Variants in IL12RB2 observed in about 807,000 individuals in gnomAD.
IL12RB2 encodes interleukin 12 receptor subunit beta 2, also known as interleukin-12 receptor subunit beta-2.
IL12RB2 carries 82 observed loss-of-function variants against 89.4 expected under a neutral mutation model. That is an observed-to-expected ratio of 0.92 (90% CI 0.77 to 1.10). IL12RB2 has a LOEUF of 1.10. Among genes scored for constraint, IL12RB2 ranks in the 50% least tolerant of loss-of-function variants. IL12RB2 has a pLI of 0.00. For missense variants in IL12RB2, 963 were observed against 1,031.9 expected, an observed-to-expected ratio of 0.93 and a Z score of 0.92; for synonymous variants, 368 against 370.1, an observed-to-expected ratio of 0.99 and a Z score of 0.07.
intron 1 of IL12RB2, among the ~76,000 whole-genome samples, chr1:67,310,944 C>T (rs1009229348): frequency 3.3e-5 from 5 of 152,044 alleles, no homozygotes; most frequent in East Asian, 3.9e-4. Context: ...AGGATGGTCT[C>T]GATCTCTTGA....
At chr1:67,315,279 T>C (rs1009664083) in intron 2 of IL12RB2, among the ~76,000 whole-genome samples, 2 of 152,140 alleles carry the variant, frequency 1.3e-5, no homozygotes, top group African/African-American at 4.8e-5. Flanking sequence ...TCCATTTTTT[T>C]AAATCCTTAT....
intron 14 of IL12RB2, among the ~76,000 whole-genome samples, chr1:67,381,785 A>G (rs908575696): frequency 1.3e-5 from 2 of 150,348 alleles, no homozygotes; most frequent in African/African-American, 4.9e-5. Context: ...AAAAAAAAAA[A>G]GAAAGAAAGT....
chr1:67,368,792 C>T (rs1662977836), intron 11 of IL12RB2, among the ~76,000 whole-genome samples: 1 of 152,148 alleles, frequency 6.6e-6, no homozygotes, highest in Admixed American at 6.6e-5. Flanking sequence ...TCAGTTTCCT[C>T]ATCTGAAAAA....
chr1:67,388,924 TC>T (rs1255613482), intron 15 of IL12RB2, among the ~76,000 whole-genome samples: 1 of 152,114 alleles, frequency 6.6e-6, no homozygotes, highest in African/African-American at 2.4e-5. Flanking sequence ...GATAGATACT[TC>T]AACGTGAAGC....
At chr1:67,321,982 G>T in intron 4 of IL12RB2, 93 bp downstream of exon 4, 1 of 1,049,794 alleles carries the variant, frequency 9.5e-7, no homozygotes, top group Non-Finnish European at 1.5e-6. Context: ...CCAAATACAG[G>T]TTAATGTTCT....
intron 14 of IL12RB2, among the ~76,000 whole-genome samples, chr1:67,384,817 C>T (rs1162267171): frequency 6.6e-6 from 1 of 152,196 alleles, no homozygotes; most frequent in Non-Finnish European, 1.5e-5. Context: ...CTCCAGTTCC[C>T]AACAAGTTCC....
chr1:67,369,971 G>A (rs181509509), intron 11 of IL12RB2, among the ~76,000 whole-genome samples: 5 of 147,186 alleles, frequency 3.4e-5, no homozygotes, highest in East Asian at 4.0e-4. Flanking sequence ...GCAGTGAGCC[G>A]AGATCATGCC....
intron 3 of IL12RB2, among the ~76,000 whole-genome samples, chr1:67,320,863 A>T (rs1656401619): frequency 6.6e-6 from 1 of 151,642 alleles, no homozygotes; most frequent in African/African-American, 2.4e-5. Context: ...TACATTAGGT[A>T]TTTCTCCTAA....
At chr1:67,352,215 G>A (rs1427807698) in intron 10 of IL12RB2, among the ~76,000 whole-genome samples, 1 of 152,162 alleles carries the variant, frequency 6.6e-6, no homozygotes, top group Non-Finnish European at 1.5e-5. Flanking sequence ...TTGGGTTGGT[G>A]TATGAGTTAG....
chr1:67,321,046 C>T (rs1296678837), intron 3 of IL12RB2, among the ~76,000 whole-genome samples: 1 of 151,712 alleles, frequency 6.6e-6, no homozygotes, highest in East Asian at 1.9e-4. Flanking sequence ...TTCCTGCCTC[C>T]CGCCGTCCAC....
chr1:67,390,808 G>A (rs1416920488), intron 16 of IL12RB2, among the ~76,000 whole-genome samples: 1 of 152,056 alleles, frequency 6.6e-6, no homozygotes, highest in Non-Finnish European at 1.5e-5. Context: ...TACATTTAAG[G>A]GGAGAAATAG....
intron 16 of IL12RB2, among the ~76,000 whole-genome samples, chr1:67,394,798 A>C (rs1358349292): frequency 6.6e-6 from 1 of 152,198 alleles, no homozygotes; most frequent in East Asian, 1.9e-4. Context: ...CCCTACCTGG[A>C]AAACACCACA....
At chr1:67,330,279 A>ATTTTTTTT in intron 7 of IL12RB2, among the ~76,000 whole-genome samples, 1 of 112,030 alleles carries the variant, frequency 8.9e-6, no homozygotes, top group Admixed American at 8.7e-5. Flanking sequence ...TTTTTAAAAA[A>ATTTTTTTT]AAAAAAAGCC....
chr1:67,312,535 G>A (rs1655209332), intron 1 of IL12RB2, among the ~76,000 whole-genome samples: 1 of 151,898 alleles, frequency 6.6e-6, no homozygotes, highest in Admixed American at 6.6e-5. Flanking sequence ...ACTCTGATTT[G>A]TTTACGCACA....
rs144627637 is a variant in IL12RB2 at position 67,396,076 on chromosome 1, C to T, written c.2576C>T (p.Ser859Phe). 15 of 1,591,244 alleles carry T rather than the reference C, an allele frequency of 9.4e-6. No homozygotes were observed. The highest frequency in any genetic ancestry group is 9.5e-6 in the Non-Finnish European group (11 of 1,159,114). ...TLDQLKMRCDSLML is the reference protein window; with the variant it reads ...TLDQLKMRCDFLML ...GATCAGTTAAAGATGAGGTGTGACT[C>T]CCTCATGCTCTGAGTGGTGAGGCTT... Residue 859 changes from serine (S) to phenylalanine (F), a missense_variant, in exon 17 of 17, where the codon TCC becomes TTC. Physicochemically the swap from Ser to Phe is radical, Grantham distance 155. Transcript: ENST00000674203.
chr1:67,326,738 C>T lies in IL12RB2; in HGVS notation c.368C>T (p.Ala123Val), dbSNP rs758668666. 1.9e-6 allele frequency: 3 copies of T among 1,612,656 alleles called. No homozygotes were observed. In the Admixed American group the frequency reaches 5.0e-5, roughly 27 times the overall value. ...ICGAEIFVGV[A>V]PEQPQNLSCI... ...GTTTTGTCTTTTCTTTTTAAAGTTGCTCCAGAACAGCCTCAAAATTTATCC... is the reference window on the plus strand; with the variant it reads ...GTTTTGTCTTTTCTTTTTAAAGTTGTTCCAGAACAGCCTCAAAATTTATCC... Residue 123 changes from alanine to valine, a missense_variant, in exon 5 of 17, where the codon GCT becomes GTT. By Grantham distance (64) the Ala-to-Val change is moderately conservative (BLOSUM62 0). Transcript: ENST00000674203.
At chr1:67,366,178 G>A (rs1416173187) in intron 10 of IL12RB2, among the ~76,000 whole-genome samples, 2 of 152,114 alleles carry the variant, frequency 1.3e-5, no homozygotes, top group Non-Finnish European at 1.5e-5. Context: ...ATGGCCGGGT[G>A]CAATGGCCCA....
chr1:67,310,764 C>T (rs748132550), intron 1 of IL12RB2, among the ~76,000 whole-genome samples: 54 of 152,208 alleles, frequency 3.5e-4, no homozygotes, highest in African/African-American at 7.5e-4. Context: ...GTCTTGCTGT[C>T]GCCAGGCTGG....
chr1:67,395,754 C>T lies in IL12RB2; in HGVS notation c.2254C>T (p.Pro752Ser). ...GATGCACAGTGCCTCAAGCCCACCA[C>T]CTCCAAGAGCTCTCCAAGCTGAGAG... ...DMMHSASSPP[P>S]PRALQAESRQ... Residue 752 changes from proline (P) to serine (S), a missense_variant, in exon 17 of 17, where the codon CCT (proline) becomes TCT (serine). Pro to Ser is a moderately conservative substitution (Grantham distance 74). Coordinates refer to ENST00000674203, the MANE Select transcript of IL12RB2 (RefSeq NM_001374259.2). 2 of 1,613,932 alleles carry T rather than the reference C, an allele frequency of 1.2e-6. No individual in the cohort carries two copies. Among genetic ancestry groups the T allele is most frequent in the Non-Finnish European group, 1.7e-6 (2 of 1,179,790 alleles).
Sources: gnomAD v4.1 joint callset for allele counts (sites outside exome capture counted in the v4.1 genomes callset) on GRCh38, gnomAD v4.1.1 for gene constraint, MANE v1.5 for transcripts, NCBI Gene and HGNC (gene_info 2026-07-23, HGNC 2026-07-21) for gene names.